The following HEMK2 variants were observed in gnomAD, a reference collection of about 807,000 sequenced individuals.
The protein encoded by HEMK2 is HemK methyltransferase 2, ETF1 glutamine and histone H4 lysine, also known as methyltransferase HEMK2.
At chr21:28,865,920 C>A in the HEMK2 span, among the ~76,000 whole-genome samples, 1 of 151,798 alleles carries the variant, frequency 6.6e-6, no homozygotes, top group Admixed American at 6.6e-5. Context: ...CTTTTCTTTT[C>A]TTTTTTGAAA....
chr21:28,681,600 C>T, the HEMK2 span, among the ~76,000 whole-genome samples: 3 of 152,138 alleles, frequency 2.0e-5, no homozygotes, highest in African/African-American at 7.2e-5. Flanking sequence ...TAAGTCAATC[C>T]TAAGCCAAAA....
chr21:28,841,307 T>TAATATATAATATATATTATATATA, the HEMK2 span, among the ~76,000 whole-genome samples: 12 of 9,538 alleles, frequency 1.3e-3, no homozygotes, highest in African/African-American at 8.9e-3. Context: ...ATATTATATA[T>TAATATATAATATATATTATATATA]AATATATAAT....
At chr21:28,584,600 A>G in the HEMK2 span, among the ~76,000 whole-genome samples, 2 of 152,144 alleles carry the variant, frequency 1.3e-5, no homozygotes, top group Non-Finnish European at 2.9e-5. Context: ...TTAAAGTGAA[A>G]ACACCACTCC....
the HEMK2 span, among the ~76,000 whole-genome samples, chr21:28,737,100 TGTTGGTTG>T: frequency 1.3e-5 from 2 of 152,024 alleles, no homozygotes; most frequent in African/African-American, 2.4e-5. Context: ...CAGTGAAGTT[TGTTGGTTG>T]GTTGGTTGGT....
chr21:28,704,744 T>C, the HEMK2 span, among the ~76,000 whole-genome samples: 1 of 152,132 alleles, frequency 6.6e-6, no homozygotes, highest in Non-Finnish European at 1.5e-5. Flanking sequence ...TGTACTAAAA[T>C]TACTCTGAAG....
the HEMK2 span, among the ~76,000 whole-genome samples, chr21:28,650,621 G>A: frequency 6.6e-6 from 1 of 152,144 alleles, no homozygotes; most frequent in African/African-American, 2.4e-5. Flanking sequence ...ACATCTTGGG[G>A]AGCAACTGTG....
the HEMK2 span, among the ~76,000 whole-genome samples, chr21:28,634,530 C>A: frequency 1.3e-5 from 2 of 152,168 alleles, no homozygotes; most frequent in Admixed American, 6.5e-5. Context: ...CTATTCTGAG[C>A]ACCAGTATTT....
the HEMK2 span, among the ~76,000 whole-genome samples, chr21:28,614,906 T>C: frequency 6.6e-6 from 1 of 152,170 alleles, no homozygotes; most frequent in East Asian, 1.9e-4. Flanking sequence ...CTTGTAAGCA[T>C]TGCTTTTTCA....
the HEMK2 span, among the ~76,000 whole-genome samples, chr21:28,655,034 T>C: frequency 6.6e-6 from 1 of 152,054 alleles, no homozygotes; most frequent in Admixed American, 6.6e-5. Context: ...ACTAATTCAC[T>C]TTGAAAGCAA....
chr21:28,696,842 C>T, the HEMK2 span, among the ~76,000 whole-genome samples: 159 of 152,350 alleles, frequency 1.0e-3, no homozygotes, highest in African/African-American at 3.6e-3. Flanking sequence ...GCAGGCCCAA[C>T]ATCATGTGTA....
the HEMK2 span, among the ~76,000 whole-genome samples, chr21:28,684,082 G>A: frequency 6.6e-6 from 1 of 152,154 alleles, no homozygotes; most frequent in Non-Finnish European, 1.5e-5. Context: ...CTTATATGTT[G>A]TTTTGGATAC....
At chr21:28,759,946 A>C in the HEMK2 span, among the ~76,000 whole-genome samples, 2 of 152,152 alleles carry the variant, frequency 1.3e-5, no homozygotes, top group Non-Finnish European at 2.9e-5. Context: ...ACTGAACATG[A>C]CAAATTATGT....
At chr21:28,720,560 C>A in the HEMK2 span, among the ~76,000 whole-genome samples, 1 of 152,102 alleles carries the variant, frequency 6.6e-6, no homozygotes, top group Non-Finnish European at 1.5e-5. Context: ...TAGCAAAACC[C>A]CGTCTCTAAT....
the HEMK2 span, among the ~76,000 whole-genome samples, chr21:28,673,135 G>A: frequency 1.4e-4 from 20 of 143,348 alleles, no homozygotes; most frequent in African/African-American, 4.4e-4. Flanking sequence ...AGGAGGGAAG[G>A]AAAGAAAAAG....
chr21:28,662,201 C>T, the HEMK2 span, among the ~76,000 whole-genome samples: 1 of 152,108 alleles, frequency 6.6e-6, no homozygotes, highest in South Asian at 2.1e-4. Context: ...GAGAGGGTCA[C>T]GCTGATACGT....
chr21:28,881,778 C>T, the HEMK2 span, among the ~76,000 whole-genome samples: 13 of 152,054 alleles, frequency 8.5e-5, no homozygotes, highest in Admixed American at 3.9e-4. Context: ...ACGACAGGTG[C>T]GCACAACCAT....
chr21:28,620,568 T>C, the HEMK2 span, among the ~76,000 whole-genome samples: 1 of 151,978 alleles, frequency 6.6e-6, no homozygotes. Context: ...GTGTTTATAG[T>C]ATTCTCTAAT....
At chr21:28,867,296 G>A in the HEMK2 span, among the ~76,000 whole-genome samples, 1 of 152,186 alleles carries the variant, frequency 6.6e-6, no homozygotes, top group Admixed American at 6.5e-5. Flanking sequence ...GTGAAAATGA[G>A]TGAATAACTC....
chr21:28,800,568 T>C, the HEMK2 span, among the ~76,000 whole-genome samples: 1 of 152,286 alleles, frequency 6.6e-6, no homozygotes, highest in East Asian at 1.9e-4. Context: ...TTTATGTGTA[T>C]AGATGTATCT....
Sources: allele counts gnomAD v4.1 joint callset (sites outside exome capture counted in the v4.1 genomes callset), GRCh38; gene constraint gnomAD v4.1.1; transcripts MANE v1.5; gene names NCBI Gene and HGNC (gene_info 2026-07-23, HGNC 2026-07-21).